TENM4: variants seen among roughly 807,000 people sequenced by gnomAD.
The protein encoded by TENM4 is teneurin-4.
Under a neutral mutation model 243.3 loss-of-function variants are expected in TENM4, and 82 were observed. The ratio of observed to expected loss-of-function variants is 0.34; its 90% CI spans 0.28 to 0.40. The LOEUF (loss-of-function observed/expected upper bound fraction) is 0.40, where lower values mean the gene tolerates loss of function less well. Ranked by LOEUF, TENM4 falls within the 10% of genes least tolerant of loss-of-function variation. The probability of loss-of-function intolerance (pLI) is 1.00; values close to 1 mark genes in which losing one functional copy is unlikely to be tolerated. For synonymous variants in TENM4, 1,412 were observed against 1,456.3 expected (o/e 0.97, Z 0.69); for missense variants, 3,138 against 3,673.3 (o/e 0.85, Z 3.77).
chr11:79,301,636 C>T (rs1279229410), intron 1 of TENM4, among the ~76,000 whole-genome samples: 1 of 152,192 alleles, frequency 6.6e-6, no homozygotes, highest in African/African-American at 2.4e-5. Context: ...GATCCGAGTC[C>T]TCACCCAAAT....
chr11:78,941,245 T>C (rs1262451647), intron 6 of TENM4, among the ~76,000 whole-genome samples: 3 of 152,226 alleles, frequency 2.0e-5, no homozygotes, highest in African/African-American at 4.8e-5. Context: ...ACAATGCTGG[T>C]GTCTTAGAAC....
chr11:78,704,191 A>ATATATG (rs1189777278), intron 27 of TENM4, among the ~76,000 whole-genome samples: 38 of 139,472 alleles, frequency 2.7e-4, no homozygotes, highest in African/African-American at 1.0e-3. Flanking sequence ...ATATATATAT[A>ATATATG]TATTTGTAGA....
At chr11:79,065,130 C>G in intron 5 of TENM4, 123 bp from the exon 6 acceptor site, 2 of 1,380,488 alleles carry the variant, frequency 1.4e-6, no homozygotes, top group South Asian at 3.5e-5. Flanking sequence ...CTGTGGCATT[C>G]TATGCCCATG....
intron 15 of TENM4, among the ~76,000 whole-genome samples, chr11:78,791,956 T>C (rs1356787711): frequency 6.6e-6 from 1 of 152,162 alleles, no homozygotes; most frequent in African/African-American, 2.4e-5. Context: ...ACACAAGCCA[T>C]AGAGGAGACT....
chr11:78,981,229 T>G (rs945642550), intron 6 of TENM4, among the ~76,000 whole-genome samples: 2 of 152,214 alleles, frequency 1.3e-5, no homozygotes, highest in Admixed American at 6.5e-5. Flanking sequence ...GTGTCATCTA[T>G]TATTCTATAA....
At chr11:79,436,300 C>A (rs974719166) in intron 1 of TENM4, among the ~76,000 whole-genome samples, 2 of 152,014 alleles carry the variant, frequency 1.3e-5, no homozygotes, top group African/African-American at 4.8e-5. Context: ...CTATAACGGA[C>A]GTTATTGGGA....
chr11:79,226,018 C>G (rs1338259572), intron 2 of TENM4, among the ~76,000 whole-genome samples: 1 of 152,180 alleles, frequency 6.6e-6, no homozygotes, highest in African/African-American at 2.4e-5. Flanking sequence ...AAGACAGAGA[C>G]AAGATCCCTC....
In TENM4 at chr11:78,669,239, A is replaced by G. The variant is rs1475526094; in HGVS notation, c.7106T>C (p.Val2369Ala). 1.2e-6 allele frequency: 2 copies of G among 1,613,960 alleles called. No individual in the cohort carries two copies. Among genetic ancestry groups the G allele is most frequent in the Admixed American group, 3.3e-5 (2 of 60,032 alleles). ...ACDNIGTPLAVFSGTGLMIKQ... is the reference protein window; with the variant it reads ...ACDNIGTPLAAFSGTGLMIKQ... ...GATCATCAAACCTGTTCCACTAAAG[A>G]CAGCAAGAGGGGTCCCGATGTTGTC... The change falls in exon 32 of 34, where the codon GTC becomes GCC. Residue 2369 changes from valine to alanine, a missense_variant. Physicochemically the swap from Val to Ala is moderately conservative, Grantham distance 64. Coordinates refer to ENST00000278550, the MANE Select transcript of TENM4 (RefSeq NM_001098816.3). The surrounding 1 kb of genome is among the most constrained non-coding windows in gnomAD (Gnocchi z 6.4).
At chr11:79,359,691 G>A (rs1857558511) in intron 1 of TENM4, among the ~76,000 whole-genome samples, 1 of 152,164 alleles carries the variant, frequency 6.6e-6, no homozygotes, top group African/African-American at 2.4e-5. Context: ...GTAAAGAAAA[G>A]CAGGGCAGTT....
chr11:79,372,691 G>C (rs1197022452), intron 1 of TENM4, among the ~76,000 whole-genome samples: 1 of 152,200 alleles, frequency 6.6e-6, no homozygotes, highest in African/African-American at 2.4e-5. Flanking sequence ...TGTGAAATGG[G>C]AGGGGAGGGG....
chr11:79,271,357 C>T (rs776914956), intron 2 of TENM4, among the ~76,000 whole-genome samples: 32 of 152,338 alleles, frequency 2.1e-4, no homozygotes, highest in Admixed American at 4.6e-4. Context: ...GCTTTAGAGA[C>T]GGCAAAGCCA....
intron 1 of TENM4, among the ~76,000 whole-genome samples, chr11:79,429,648 C>G (rs1314717656): frequency 6.6e-6 from 1 of 152,114 alleles, no homozygotes; most frequent in Non-Finnish European, 1.5e-5. Flanking sequence ...GAATTCAACC[C>G]AAAACCTGTT....
intron 3 of TENM4, among the ~76,000 whole-genome samples, chr11:79,177,336 C>T (rs1357051430): frequency 6.6e-6 from 1 of 152,022 alleles, no homozygotes; most frequent in Admixed American, 6.6e-5. Context: ...TTTTCTTTCT[C>T]CTTTCCTCTC....
intron 6 of TENM4, among the ~76,000 whole-genome samples, chr11:78,966,020 C>A (rs1264176172): frequency 1.3e-5 from 2 of 152,028 alleles, no homozygotes; most frequent in East Asian, 3.9e-4. Flanking sequence ...TGAAAATGCA[C>A]TGCTGTACCA....
At chr11:78,891,724 G>A (rs559274999) in intron 7 of TENM4, among the ~76,000 whole-genome samples, 24 of 152,256 alleles carry the variant, frequency 1.6e-4, no homozygotes, top group African/African-American at 5.8e-4. Context: ...GAGGTAATGG[G>A]TCTTGCCAAG....
At chr11:79,402,501 A>T (rs1858483148) in intron 1 of TENM4, among the ~76,000 whole-genome samples, 1 of 152,164 alleles carries the variant, frequency 6.6e-6, no homozygotes, top group Admixed American at 6.5e-5. Flanking sequence ...GTGGTTTCCC[A>T]TCCAATTATT....
chr11:79,404,470 G>A (rs1858526441), intron 1 of TENM4, among the ~76,000 whole-genome samples: 1 of 152,192 alleles, frequency 6.6e-6, no homozygotes, highest in Non-Finnish European at 1.5e-5. Flanking sequence ...AATGGGGAGT[G>A]ACTGCTGAAT....
At chr11:79,402,046 T>A (rs1175971857) in intron 1 of TENM4, 1 of 469,082 alleles carries the variant, frequency 2.1e-6, no homozygotes, top group South Asian at 1.7e-5. Context: ...AAGCTCACAG[T>A]CTAGTTGTGT....
intron 1 of TENM4, among the ~76,000 whole-genome samples, chr11:79,414,946 T>C (rs928790974): frequency 1.3e-5 from 2 of 152,238 alleles, no homozygotes; most frequent in Non-Finnish European, 2.9e-5. Context: ...GCCACCGTTC[T>C]ATCTGTGGAA....
Sources: gnomAD v4.1 joint callset for allele counts (sites outside exome capture counted in the v4.1 genomes callset) on GRCh38, gnomAD v4.1.1 for gene constraint, Gnocchi (gnomAD v3.1) non-coding constraint, MANE v1.5 for transcripts, NCBI Gene and HGNC (gene_info 2026-07-23, HGNC 2026-07-21) for gene names.